Variants in LRP1B observed in about 807,000 individuals in gnomAD.
The protein encoded by LRP1B is LDL receptor related protein 1B, also known as low-density lipoprotein receptor-related protein 1B.
A neutral mutation model predicts 556.6 loss-of-function variants in LRP1B; 217 were observed. The ratio of observed to expected loss-of-function variants is 0.39; its 90% CI spans 0.35 to 0.44. The LOEUF (loss-of-function observed/expected upper bound fraction) is 0.44. LRP1B is among the 20% of genes least tolerant of loss of function. LRP1B has a pLI of 1.00. For synonymous variants in LRP1B, 2,047 were observed against 1,865.8 expected (o/e 1.10, Z -2.50); for missense variants, 5,053 against 5,620.8 (o/e 0.90, Z 3.23).
intron 1 of LRP1B, among the ~76,000 whole-genome samples, chr2:142,064,944 C>A (rs752957593): frequency 6.6e-6 from 1 of 151,044 alleles, no homozygotes; most frequent in Non-Finnish European, 1.5e-5. Flanking sequence ...ATGACAGAAG[C>A]AATAGCAGAG....
At chr2:141,115,459 T>TTTTG (rs1553461946) in intron 7 of LRP1B, among the ~76,000 whole-genome samples, 7 of 21,436 alleles carry the variant, frequency 3.3e-4, no homozygotes, top group Admixed American at 4.9e-4. Context: ...TTTGTTTTTG[T>TTTTG]TTTTTTTTTT....
intron 2 of LRP1B, among the ~76,000 whole-genome samples, chr2:141,767,814 G>T (rs1176543326): frequency 6.6e-6 from 1 of 152,048 alleles, no homozygotes; most frequent in Non-Finnish European, 1.5e-5. Flanking sequence ...CACTCTCTGG[G>T]TGCAAATACC....
intron 43 of LRP1B, among the ~76,000 whole-genome samples, chr2:140,558,748 G>A (rs1031958149): frequency 6.6e-6 from 1 of 151,850 alleles, no homozygotes; most frequent in Non-Finnish European, 1.5e-5. Context: ...AGAACAGCCT[G>A]GGCAACATGG....
intron 3 of LRP1B, among the ~76,000 whole-genome samples, chr2:141,333,705 T>A (rs2105499943): frequency 6.6e-6 from 1 of 152,332 alleles, no homozygotes. Flanking sequence ...CAACTATAAT[T>A]TACTAGGACC....
At chr2:140,966,523 C>A (rs190859161) in intron 18 of LRP1B, among the ~76,000 whole-genome samples, 1 of 152,250 alleles carries the variant, frequency 6.6e-6, no homozygotes, top group East Asian at 1.9e-4. Flanking sequence ...ATGGAAGTTT[C>A]TTTTGCTGTG....
chr2:141,371,916 T>G (rs776426566), intron 3 of LRP1B, among the ~76,000 whole-genome samples: 2 of 152,144 alleles, frequency 1.3e-5, no homozygotes, highest in Non-Finnish European at 1.5e-5. Context: ...TGCACAAGAC[T>G]GATAAAAGTG....
At chr2:140,764,004 C>T (rs1486126) in intron 35 of LRP1B, among the ~76,000 whole-genome samples, 54,022 of 151,850 alleles carry the variant, frequency 0.36, 11,381 homozygotes, top group Non-Finnish European at 0.47. Context: ...TTCATAAAAT[C>T]GAAAAAATGT....
At chr2:140,776,010 A>C (rs1334070869) in intron 33 of LRP1B, 88 bp downstream of exon 33, 1 of 1,128,876 alleles carries the variant, frequency 8.9e-7, no homozygotes, top group Admixed American at 2.7e-5. Context: ...CAAGAATAGA[A>C]ACCTTTTATT....
chr2:141,186,168 T>C (rs1681252236), intron 7 of LRP1B, among the ~76,000 whole-genome samples: 1 of 151,518 alleles, frequency 6.6e-6, no homozygotes, highest in Non-Finnish European at 1.5e-5. Context: ...TTTTTCTCCA[T>C]TTTAAAATCT....
At chr2:140,306,540 CTCTT>C (rs1002311732) in intron 83 of LRP1B, among the ~76,000 whole-genome samples, 4 of 151,782 alleles carry the variant, frequency 2.6e-5, no homozygotes, top group African/African-American at 7.3e-5. Context: ...TGATTCTTCT[CTCTT>C]TCTATCTTTA....
chr2:141,639,304 GTATATATATATA>G (rs577532316), intron 2 of LRP1B, among the ~76,000 whole-genome samples: 866 of 58,446 alleles, frequency 0.015, 58 homozygotes, highest in South Asian at 0.039. Context: ...CATCATGTGT[GTATATATATATA>G]TATATATATA....
rs770939865 is a variant in LRP1B at position 141,775,842 on chromosome 2, CT to C, written c.205+34436del. ...TTATGGATGTACTCATCAGGTTTTC[CT>C]TTTTTTTTTTTTTTTCTGAGACGGA... is the stretch of plus-strand genomic sequence containing the variant. On this transcript the variant is annotated intron_variant, in intron 2 of 90. Transcript: ENST00000389484. 4.0e-3 allele frequency among the ~76,000 whole-genome samples: 537 copies of C among 134,466 alleles called. 5 individuals are homozygous for C. The highest frequency in any genetic ancestry group is 0.019 in the Admixed American group (253 of 13,158). 88.2% of individuals were successfully genotyped at this position (134,466 alleles called of 152,430 possible).
At chr2:141,805,946 A>G (rs572737008) in intron 2 of LRP1B, among the ~76,000 whole-genome samples, 4 of 152,214 alleles carry the variant, frequency 2.6e-5, no homozygotes, top group Non-Finnish European at 5.9e-5. Flanking sequence ...CATTATGCCC[A>G]AAACATGATC....
At chr2:140,555,702 A>G (rs1340403411) in intron 43 of LRP1B, among the ~76,000 whole-genome samples, 3 of 152,086 alleles carry the variant, frequency 2.0e-5, no homozygotes, top group African/African-American at 7.2e-5. Flanking sequence ...TTAAAAATTA[A>G]CTTTTAGAAT....
intron 83 of LRP1B, among the ~76,000 whole-genome samples, chr2:140,305,591 T>C (rs1322901990): frequency 6.6e-6 from 1 of 152,194 alleles, no homozygotes; most frequent in African/African-American, 2.4e-5. Context: ...AATCATGTTA[T>C]CTGCAAACAG....
intron 25 of LRP1B, among the ~76,000 whole-genome samples, chr2:140,874,761 G>A (rs1194761434): frequency 1.3e-5 from 2 of 151,990 alleles, no homozygotes; most frequent in Admixed American, 6.6e-5. Context: ...GCTCATGCCT[G>A]TAATCCCAGC....
chr2:141,467,759 T>C (rs6429884), intron 3 of LRP1B, among the ~76,000 whole-genome samples: 103,185 of 149,730 alleles, frequency 0.69, 36,904 homozygotes, highest in East Asian at 0.84. Context: ...TCATTTTAGG[T>C]GAAATGCAGG....
At chr2:140,655,536 C>G (rs1684847786) in intron 41 of LRP1B, among the ~76,000 whole-genome samples, 3 of 152,106 alleles carry the variant, frequency 2.0e-5, no homozygotes, top group Non-Finnish European at 1.5e-5. Context: ...TTAATCATTC[C>G]TAGGTGCAGG....
chr2:141,664,330 T>A (rs1690340945), intron 2 of LRP1B, among the ~76,000 whole-genome samples: 1 of 152,110 alleles, frequency 6.6e-6, no homozygotes, highest in Admixed American at 6.5e-5. Context: ...CCACTCTTAT[T>A]CAACATAGTA....
Sources: allele counts gnomAD v4.1 joint callset (sites outside exome capture counted in the v4.1 genomes callset), GRCh38; gene constraint gnomAD v4.1.1; transcripts MANE v1.5; gene names NCBI Gene and HGNC (gene_info 2026-07-23, HGNC 2026-07-21).